The following ACOT7 variants were observed in gnomAD, a reference collection of about 807,000 sequenced individuals.
ACOT7 encodes acyl-CoA thioesterase 7.
ACOT7 carries 12 observed loss-of-function variants against 40.2 expected under a neutral mutation model. The ratio of observed to expected loss-of-function variants is 0.30; its 90% CI spans 0.19 to 0.48. The LOEUF (loss-of-function observed/expected upper bound fraction) is 0.48, where lower values mean the gene tolerates loss of function less well. Among genes scored for constraint, ACOT7 ranks in the 20% least tolerant of loss-of-function variants. ACOT7 has a pLI of 0.99. For synonymous variants in ACOT7, 228 were observed against 219.5 expected (o/e 1.04, Z -0.34); for missense variants, 395 against 530.8 (o/e 0.74, Z 2.51).
intron 6 of ACOT7, among the ~76,000 whole-genome samples, chr1:6,302,124 C>T (rs902746707): frequency 6.6e-6 from 1 of 152,198 alleles, no homozygotes; most frequent in South Asian, 2.1e-4. Context: ...AACAGTGACT[C>T]ACGAGCGGTG....
intron 8 of ACOT7, among the ~76,000 whole-genome samples, chr1:6,276,792 A>T (rs959673508): frequency 6.6e-6 from 1 of 152,174 alleles, no homozygotes; most frequent in Non-Finnish European, 1.5e-5. Flanking sequence ...CAACATCAAC[A>T]TTGACATCCA....
chr1:6,329,811 GA>G (rs1640906372), intron 4 of ACOT7, among the ~76,000 whole-genome samples: 2 of 152,120 alleles, frequency 1.3e-5, no homozygotes, highest in Admixed American at 6.5e-5. Context: ...TCAGACATTT[GA>G]AAAAAACCAA....
Position 6,355,149 on chromosome 1 carries a change from G to A in ACOT7, c.144-5283C>T, listed in dbSNP as rs1446627398. Among the ~76,000 whole-genome samples, 3 of 152,080 alleles carry A rather than the reference G, an allele frequency of 2.0e-5. No individual in the cohort carries two copies. Among genetic ancestry groups the A allele is most frequent in the Non-Finnish European group, 4.4e-5 (3 of 68,022 alleles). On this transcript the variant is annotated intron_variant, in intron 1 of 8. Transcript: ENST00000361521. This position sits in a 1 kb window ranked among gnomAD's most constrained non-coding sequence, Gnocchi z 5.0. ...CCACCGTTCTACCTGTCCCAGCAACGCCTGACCCACCCTTTGTGAAGGACA... is the reference window on the plus strand; with the variant it reads ...CCACCGTTCTACCTGTCCCAGCAACACCTGACCCACCCTTTGTGAAGGACA...
At position 6,375,049 on chromosome 1, in the gene ACOT7, G is replaced by A. The variant is rs531025060; in HGVS notation, c.143+18208C>T. On this transcript the variant is annotated intron_variant, in intron 1 of 8. Transcript: ENST00000361521. Reference sequence around the variant, plus strand: ...TCCCAGCACTTTGGGAGGCCGAGGCGGGCGGATCACAAGATCAGGAGATAG... The same window carrying A: ...TCCCAGCACTTTGGGAGGCCGAGGCAGGCGGATCACAAGATCAGGAGATAG... Among the ~76,000 whole-genome samples the A allele has an allele frequency of 1.3e-4, 20 of 151,670 alleles. 1 individual carries two copies. The South Asian group carries it at 2.1e-3, about 16-fold the overall frequency.
At chr1:6,348,148 C>A (rs1214511079) in intron 2 of ACOT7, among the ~76,000 whole-genome samples, 2 of 152,130 alleles carry the variant, frequency 1.3e-5, no homozygotes, top group Middle Eastern at 3.4e-3. Context: ...TGAGCTGCAC[C>A]GGAGCCTCGG....
intron 1 of ACOT7, among the ~76,000 whole-genome samples, chr1:6,372,437 G>A (rs151174374): frequency 3.9e-5 from 6 of 152,194 alleles, no homozygotes; most frequent in Middle Eastern, 3.4e-3. Flanking sequence ...AATTTCCTTC[G>A]AAGGACTTTT....
intron 1 of ACOT7, among the ~76,000 whole-genome samples, chr1:6,386,513 G>A (rs1457322596): frequency 5.3e-5 from 8 of 152,206 alleles, no homozygotes; most frequent in African/African-American, 1.2e-4. Context: ...TTCCCAGTAC[G>A]ACATCGTAAA....
chr1:6,281,452 C>T lies in ACOT7; in HGVS notation c.830-166G>A, dbSNP rs1187485389. ...GAATATTAGAATGTGTCGTTAGTTG[C>T]CCATGAATGTTTATCTTTCTAGTGA... On this transcript the variant is annotated intron_variant, in intron 7 of 8. Transcript: ENST00000361521. 2.6e-5 allele frequency among the ~76,000 whole-genome samples: 4 copies of T among 152,338 alleles called. No individual in the cohort carries two copies. In the East Asian group the frequency reaches 5.8e-4, roughly 22 times the overall value.
chr1:6,352,052 T>C lies in ACOT7; in HGVS notation c.144-2186A>G, dbSNP rs377408231. Among the ~76,000 whole-genome samples, 35 of 152,218 alleles carry C rather than the reference T, an allele frequency of 2.3e-4. No individual in the cohort carries two copies. In the East Asian group the frequency reaches 5.8e-3, roughly 25 times the overall value. On this transcript the variant is annotated intron_variant, in intron 1 of 8. Coordinates refer to ENST00000361521, the MANE Select transcript of ACOT7 (RefSeq NM_007274.4). The surrounding 1 kb of genome is among the most constrained non-coding windows in gnomAD (Gnocchi z 4.5). ...CTACCACGGGCCTGGCCGCCTTTCT[T>C]CGGCACCTTGGGTCCTGCACCAAGG...
In ACOT7 at chr1:6,330,954, T is replaced by C. The variant is rs144698663; in HGVS notation, c.510+2523A>G. 2.6e-5 allele frequency among the ~76,000 whole-genome samples: 4 copies of C among 152,320 alleles called. 1 individual carries two copies. The East Asian group carries it at 7.7e-4, about 29-fold the overall frequency. ...TAAATGCTATGTCTCAATATTTACA[T>C]GTGATGTGGCTCACTGAACGCCAAG... On this transcript the variant is annotated intron_variant, in intron 4 of 8. Coordinates refer to ENST00000361521, the MANE Select transcript of ACOT7 (RefSeq NM_007274.4). This position sits in a 1 kb window ranked among gnomAD's most constrained non-coding sequence, Gnocchi z 4.6.
intron 3 of ACOT7, among the ~76,000 whole-genome samples, chr1:6,335,393 T>C (rs996011752): frequency 6.7e-6 from 1 of 149,680 alleles, no homozygotes; most frequent in Non-Finnish European, 1.5e-5. Flanking sequence ...TCCCAAAGGC[T>C]GAGATAGGAG....
chr1:6,372,576 A>C (rs1057428118), intron 1 of ACOT7, among the ~76,000 whole-genome samples: 6 of 120,584 alleles, frequency 5.0e-5, no homozygotes, highest in African/African-American at 2.4e-4. Flanking sequence ...TTTTTTTGAG[A>C]GTCTCGCTCT....
chr1:6,370,388 A>G (rs944598585), intron 1 of ACOT7, among the ~76,000 whole-genome samples: 2 of 151,822 alleles, frequency 1.3e-5, no homozygotes, highest in African/African-American at 4.8e-5. Flanking sequence ...ACGAAAACAA[A>G]ATTAATCTCC....
At chr1:6,315,312 G>C (rs990716871) in intron 6 of ACOT7, among the ~76,000 whole-genome samples, 1 of 152,248 alleles carries the variant, frequency 6.6e-6, no homozygotes, top group Non-Finnish European at 1.5e-5. Context: ...GTGAATTACA[G>C]TTTAGTGAAG....
intron 1 of ACOT7, among the ~76,000 whole-genome samples, chr1:6,391,080 G>A (rs1326119302): frequency 2.0e-5 from 3 of 151,966 alleles, no homozygotes; most frequent in Non-Finnish European, 4.4e-5. Context: ...AGGATCACCT[G>A]AGGTCAGGAG....
chr1:6,276,647 G>A (rs138305543), intron 8 of ACOT7, among the ~76,000 whole-genome samples: 15 of 152,070 alleles, frequency 9.9e-5, no homozygotes, highest in Non-Finnish European at 1.9e-4. Flanking sequence ...CTGGAGGGAC[G>A]GAACGCACAT....
intron 1 of ACOT7, among the ~76,000 whole-genome samples, chr1:6,368,031 G>A (rs1401089302): frequency 6.6e-6 from 1 of 152,180 alleles, no homozygotes; most frequent in Non-Finnish European, 1.5e-5. Context: ...GTCTGGCTGA[G>A]TCCGGGGTTT....
At position 6,351,986 on chromosome 1, in the gene ACOT7, C is replaced by G. The variant is rs1299433706; in HGVS notation, c.144-2120G>C. On this transcript the variant is annotated intron_variant, in intron 1 of 8. Transcript: ENST00000361521. ...GACTCGGCACTTGGCGCTGTGCCATCAGGAGTACATGCCAGGAACTGCAGA... is the reference window on the plus strand; with the variant it reads ...GACTCGGCACTTGGCGCTGTGCCATGAGGAGTACATGCCAGGAACTGCAGA... 6.6e-5 allele frequency among the ~76,000 whole-genome samples: 10 copies of G among 152,330 alleles called. No individual in the cohort carries two copies. In the East Asian group the frequency reaches 1.9e-3, roughly 29 times the overall value.
intron 2 of ACOT7, among the ~76,000 whole-genome samples, chr1:6,339,897 T>C (rs1033557782): frequency 3.6e-5 from 5 of 138,286 alleles, no homozygotes; most frequent in Middle Eastern, 3.7e-3. Flanking sequence ...CCGCTGGGAC[T>C]ACAGCGGGCC....
Sources: gnomAD v4.1 joint callset for allele counts (sites outside exome capture counted in the v4.1 genomes callset) on GRCh38, gnomAD v4.1.1 for gene constraint, Gnocchi (gnomAD v3.1) non-coding constraint, MANE v1.5 for transcripts, NCBI Gene and HGNC (gene_info 2026-07-23, HGNC 2026-07-21) for gene names.